RANBP2: variants seen among roughly 807,000 people sequenced by gnomAD.
RANBP2 encodes RAN binding protein 2.
RANBP2 carries 57 observed loss-of-function variants against 303.6 expected under a neutral mutation model. The observed-to-expected ratio is 0.19, with a 90% CI of 0.15 to 0.23. The LOEUF is 0.23. Ranked by LOEUF, RANBP2 falls within the 10% of genes least tolerant of loss-of-function variation. The pLI, the probability that RANBP2 is intolerant of heterozygous loss-of-function variation, is 1.00. For missense variants in RANBP2, 3,138 were observed against 3,780.8 expected, an observed-to-expected ratio of 0.83 and a Z score of 4.46; for synonymous variants, 1,167 against 1,301.5, an observed-to-expected ratio of 0.90 and a Z score of 2.23.
intron 20 of RANBP2, among the ~76,000 whole-genome samples, chr2:108,768,787 C>A (rs1426975672): frequency 1.3e-5 from 2 of 152,058 alleles, no homozygotes; most frequent in Non-Finnish European, 2.9e-5. Flanking sequence ...AATGCCAGCA[C>A]TTTGGGAGGT....
the RANBP2 span, among the ~76,000 whole-genome samples, chr2:109,669,281 T>A: frequency 2.6e-5 from 4 of 152,248 alleles, no homozygotes; most frequent in East Asian, 7.7e-4. Flanking sequence ...AAGTTTTTGG[T>A]TTAAGACTTC....
At chr2:109,182,917 C>T in the RANBP2 span, among the ~76,000 whole-genome samples, 1 of 152,230 alleles carries the variant, frequency 6.6e-6, no homozygotes, top group East Asian at 1.9e-4. Context: ...CATAAAATAA[C>T]TTAAACGTTT....
chr2:109,320,833 T>C, the RANBP2 span, among the ~76,000 whole-genome samples: 1 of 152,210 alleles, frequency 6.6e-6, no homozygotes, highest in Non-Finnish European at 1.5e-5. Context: ...TCAGATGGAA[T>C]GGCCATGGAT....
At chr2:109,247,950 C>T in the RANBP2 span, among the ~76,000 whole-genome samples, 5 of 152,122 alleles carry the variant, frequency 3.3e-5, no homozygotes, top group African/African-American at 7.2e-5. Flanking sequence ...AACGTGCAAG[C>T]GCTTTTTAAA....
chr2:109,010,783 T>A, the RANBP2 span, among the ~76,000 whole-genome samples: 1 of 152,238 alleles, frequency 6.6e-6, no homozygotes, highest in Non-Finnish European at 1.5e-5. Flanking sequence ...GTGATGGCAT[T>A]TCTCTTCTTG....
the RANBP2 span, among the ~76,000 whole-genome samples, chr2:109,153,176 T>C: frequency 3.0e-4 from 45 of 152,340 alleles, no homozygotes; most frequent in Admixed American, 2.7e-3. Flanking sequence ...TCTAAACTTA[T>C]GCACTGCAGC....
chr2:109,477,728 C>G, the RANBP2 span, among the ~76,000 whole-genome samples: 1 of 152,110 alleles, frequency 6.6e-6, no homozygotes, highest in Non-Finnish European at 1.5e-5. Flanking sequence ...GATTCGGTGT[C>G]TGGTGAGGAC....
At chr2:109,231,581 G>A in the RANBP2 span, among the ~76,000 whole-genome samples, 1 of 152,164 alleles carries the variant, frequency 6.6e-6, no homozygotes, top group Non-Finnish European at 1.5e-5. Context: ...TCCATGATAA[G>A]CTACTTCTTT....
At chr2:109,284,493 T>C in the RANBP2 span, among the ~76,000 whole-genome samples, 2 of 152,118 alleles carry the variant, frequency 1.3e-5, no homozygotes, top group Non-Finnish European at 2.9e-5. Flanking sequence ...CCCATCACTC[T>C]CCTCTCGTCC....
At chr2:109,218,315 A>G in the RANBP2 span, among the ~76,000 whole-genome samples, 723 of 152,304 alleles carry the variant, frequency 4.7e-3, 4 homozygotes, top group Non-Finnish European at 6.0e-3. Context: ...GCTTAGAGGA[A>G]GGTGTGGATT....
rs1193945384 is a variant in RANBP2 at position 108,771,737 on chromosome 2, A to G, written c.7886A>G (p.Asp2629Gly). 1.2e-6 allele frequency: 2 copies of G among 1,613,712 alleles called. No individual in the cohort carries two copies. The highest frequency in any genetic ancestry group is 8.5e-7 in the Non-Finnish European group (1 of 1,179,934). Residue 2629 changes from aspartate to glycine, a missense_variant, in exon 21 of 29, where the codon GAT becomes GGT. Physicochemically the swap from Asp to Gly is moderately conservative, Grantham distance 94. Coordinates refer to ENST00000283195, the MANE Select transcript of RANBP2 (RefSeq NM_006267.5). The part of the protein sequence containing the change: ...EKKKPEDSPS[D>G]DDVLIVYELT... The stretch of plus-strand genomic sequence containing the variant: ...AAAAAACCTGAAGATTCTCCCTCAG[A>G]TGATGATGTTCTCATTGTATATGAA...
At chr2:108,721,085 G>A (rs1291787237) in intron 1 of RANBP2, among the ~76,000 whole-genome samples, 9 of 152,064 alleles carry the variant, frequency 5.9e-5, no homozygotes, top group African/African-American at 1.4e-4. Context: ...GGAAACTCAC[G>A]GATGACCATG....
the RANBP2 span, among the ~76,000 whole-genome samples, chr2:108,970,037 A>G: frequency 8.5e-5 from 13 of 152,204 alleles, no homozygotes; most frequent in Non-Finnish European, 1.3e-4. Flanking sequence ...AGCCTTGGCT[A>G]TCTGGATGAC....
the RANBP2 span, among the ~76,000 whole-genome samples, chr2:108,970,439 G>C: frequency 6.6e-6 from 1 of 152,112 alleles, no homozygotes; most frequent in Non-Finnish European, 1.5e-5. Context: ...ATGAAGTGAG[G>C]AGGATCCTGA....
the RANBP2 span, among the ~76,000 whole-genome samples, chr2:108,794,253 A>G: frequency 1.5e-4 from 23 of 152,098 alleles, no homozygotes; most frequent in African/African-American, 4.6e-4. Context: ...GTTGCTTTCC[A>G]TTTCTTGGCA....
chr2:109,083,864 C>A, the RANBP2 span, among the ~76,000 whole-genome samples: 2 of 152,246 alleles, frequency 1.3e-5, no homozygotes, highest in African/African-American at 2.4e-5. Flanking sequence ...CAATTTCCCT[C>A]GGCTTCTCTC....
chr2:109,345,164 C>T, the RANBP2 span, among the ~76,000 whole-genome samples: 15 of 152,198 alleles, frequency 9.9e-5, no homozygotes, highest in Non-Finnish European at 2.2e-4. Context: ...CTCAGTCTCT[C>T]TGGCTCTGCA....
the RANBP2 span, among the ~76,000 whole-genome samples, chr2:109,073,473 C>T: frequency 0.038 from 5,617 of 148,756 alleles, 184 homozygotes; most frequent in Non-Finnish European, 0.054. Flanking sequence ...TCGAGACCAT[C>T]CTGGCTAACA....
the RANBP2 span, among the ~76,000 whole-genome samples, chr2:109,077,586 A>G: frequency 1.3e-5 from 2 of 150,590 alleles, no homozygotes; most frequent in African/African-American, 4.8e-5. Flanking sequence ...TACAAAATAT[A>G]TTAGGTACAC....
Sources: gnomAD v4.1 joint callset for allele counts (sites outside exome capture counted in the v4.1 genomes callset) on GRCh38, gnomAD v4.1.1 for gene constraint, MANE v1.5 for transcripts, NCBI Gene and HGNC (gene_info 2026-07-23, HGNC 2026-07-21) for gene names.